The following KIAA1217 variants were observed in gnomAD, a reference collection of about 807,000 sequenced individuals.
The protein encoded by KIAA1217 is sickle tail protein homolog.
A neutral mutation model predicts 163.9 loss-of-function variants in KIAA1217; 88 were observed. That is an observed-to-expected ratio of 0.54 (90% CI 0.45 to 0.64). KIAA1217 has a LOEUF of 0.64. Among genes scored for constraint, KIAA1217 ranks in the 30% least tolerant of loss-of-function variants. The pLI, the probability that KIAA1217 is intolerant of heterozygous loss-of-function variation, is 0.00. For synonymous variants in KIAA1217, 903 were observed against 923.1 expected (o/e 0.98, Z 0.39); for missense variants, 2,372 against 2,475.0 (o/e 0.96, Z 0.88).
chr10:24,500,203 G>GTGTGTGTC (rs1564806375), intron 8 of KIAA1217, among the ~76,000 whole-genome samples: 4 of 151,902 alleles, frequency 2.6e-5, no homozygotes, highest in African/African-American at 9.7e-5. Context: ...GTGTGTGTGT[G>GTGTGTGTC]TGTGTGTGTG....
At chr10:24,498,571 C>G (rs1241620699) in intron 8 of KIAA1217, among the ~76,000 whole-genome samples, 1 of 152,076 alleles carries the variant, frequency 6.6e-6, no homozygotes, top group Non-Finnish European at 1.5e-5. Flanking sequence ...GCCTATAATC[C>G]CAGCACTTTG....
intron 2 of KIAA1217, among the ~76,000 whole-genome samples, chr10:24,248,023 G>T (rs1180489285): frequency 6.6e-6 from 1 of 152,198 alleles, no homozygotes; most frequent in Non-Finnish European, 1.5e-5. Flanking sequence ...TTCTACAGTG[G>T]CTGAGATGGT....
At chr10:24,362,124 C>T (rs935592668) in intron 2 of KIAA1217, among the ~76,000 whole-genome samples, 3 of 151,830 alleles carry the variant, frequency 2.0e-5, no homozygotes, top group African/African-American at 7.3e-5. Flanking sequence ...TCTGCAAGTT[C>T]CTAACATTTG....
chr10:24,461,768 C>A (rs2062432391), intron 5 of KIAA1217, among the ~76,000 whole-genome samples: 1 of 152,182 alleles, frequency 6.6e-6, no homozygotes. Context: ...TTGTTGTAAT[C>A]ATCCTAAAGT....
At chr10:23,871,454 G>A (rs1840451887) in intron 1 of KIAA1217, among the ~76,000 whole-genome samples, 1 of 151,988 alleles carries the variant, frequency 6.6e-6, no homozygotes, top group Non-Finnish European at 1.5e-5. Flanking sequence ...CCCACCACAA[G>A]AGGGAAGTTC....
At chr10:23,808,348 C>A (rs370238894) in intron 1 of KIAA1217, among the ~76,000 whole-genome samples, 1 of 152,036 alleles carries the variant, frequency 6.6e-6, no homozygotes, top group African/African-American at 2.4e-5. Context: ...ATGTAGGTTC[C>A]AAAAATTAGA....
intron 1 of KIAA1217, among the ~76,000 whole-genome samples, chr10:23,885,517 A>T (rs1359797026): frequency 6.6e-6 from 1 of 151,982 alleles, no homozygotes; most frequent in Non-Finnish European, 1.5e-5. Context: ...AGAAATCCAC[A>T]TAGGGAGCAA....
intron 5 of KIAA1217, among the ~76,000 whole-genome samples, chr10:24,469,696 C>T (rs1323945246): frequency 2.6e-5 from 4 of 152,148 alleles, no homozygotes; most frequent in African/African-American, 9.7e-5. Flanking sequence ...ACTGCAACCT[C>T]CACCTCCCGG....
intron 3 of KIAA1217, among the ~76,000 whole-genome samples, chr10:24,384,954 C>T (rs2053816977): frequency 6.6e-6 from 1 of 152,212 alleles, no homozygotes; most frequent in Admixed American, 6.5e-5. Context: ...GCTGGCCCCT[C>T]ATGTAACCCC....
intron 2 of KIAA1217, among the ~76,000 whole-genome samples, chr10:24,065,488 T>A (rs1245891093): frequency 6.6e-6 from 1 of 152,244 alleles, no homozygotes; most frequent in Non-Finnish European, 1.5e-5. Flanking sequence ...TCTAGTTTGA[T>A]TGCACTGTGG....
chr10:23,948,629 C>A (rs918929259), intron 1 of KIAA1217, among the ~76,000 whole-genome samples: 1 of 152,116 alleles, frequency 6.6e-6, no homozygotes, highest in African/African-American at 2.4e-5. Flanking sequence ...TTTCCCTCCA[C>A]AAGAAGGTAA....
At chr10:24,040,822 A>T (rs1230305738) in intron 2 of KIAA1217, among the ~76,000 whole-genome samples, 1 of 152,208 alleles carries the variant, frequency 6.6e-6, no homozygotes, top group East Asian at 1.9e-4. Context: ...AGTTTTGAAA[A>T]AGACGGGCTA....
At chr10:24,282,979 G>A (rs566718565) in intron 2 of KIAA1217, among the ~76,000 whole-genome samples, 62 of 151,766 alleles carry the variant, frequency 4.1e-4, no homozygotes, top group African/African-American at 1.4e-3. Context: ...GATTACAGAC[G>A]TGTTCCATGA....
At chr10:24,351,420 T>C (rs1315509150) in intron 2 of KIAA1217, among the ~76,000 whole-genome samples, 1 of 152,148 alleles carries the variant, frequency 6.6e-6, no homozygotes, top group African/African-American at 2.4e-5. Context: ...ACATCCAAGG[T>C]CAGTGTTCAT....
chr10:24,389,516 G>A (rs1025629415), intron 3 of KIAA1217, among the ~76,000 whole-genome samples: 22 of 151,518 alleles, frequency 1.5e-4, no homozygotes, highest in African/African-American at 3.9e-4. Flanking sequence ...AAACCTGCAC[G>A]TTGTGTACAT....
chr10:23,980,411 A>G (rs1386709659), intron 1 of KIAA1217, among the ~76,000 whole-genome samples: 2 of 152,172 alleles, frequency 1.3e-5, no homozygotes, highest in African/African-American at 4.8e-5. Context: ...AAGCAGGACT[A>G]AGGAAGGTGT....
At chr10:24,353,539 C>G (rs1450680548) in intron 2 of KIAA1217, among the ~76,000 whole-genome samples, 1 of 152,154 alleles carries the variant, frequency 6.6e-6, no homozygotes. Flanking sequence ...CACTCATGAA[C>G]TGCAGTTGTA....
chr10:24,397,222 C>T (rs908903347), intron 3 of KIAA1217, among the ~76,000 whole-genome samples: 2 of 149,302 alleles, frequency 1.3e-5, no homozygotes, highest in Admixed American at 6.8e-5. Flanking sequence ...AAGCAATTCT[C>T]CTGTCTACAG....
intron 1 of KIAA1217, among the ~76,000 whole-genome samples, chr10:23,949,254 G>C (rs1844214654): frequency 6.6e-6 from 1 of 152,130 alleles, no homozygotes; most frequent in Admixed American, 6.6e-5. Flanking sequence ...AGCAAAACAA[G>C]ATACCCTCAT....
Sources: gnomAD v4.1 joint callset for allele counts (sites outside exome capture counted in the v4.1 genomes callset) on GRCh38, gnomAD v4.1.1 for gene constraint, MANE v1.5 for transcripts, NCBI Gene and HGNC (gene_info 2026-07-23, HGNC 2026-07-21) for gene names.